Variants in ANKRD55 observed in about 807,000 individuals in gnomAD.
ANKRD55 encodes ankyrin repeat domain-containing protein 55.
In ANKRD55, 41 loss-of-function variants were observed where a neutral mutation model predicts 60.6. The ratio of observed to expected loss-of-function variants is 0.68; its 90% CI spans 0.53 to 0.88. ANKRD55 has a LOEUF of 0.88. Among genes scored for constraint, ANKRD55 ranks in the 40% least tolerant of loss-of-function variants. The pLI is 0.00. For synonymous variants in ANKRD55, 264 were observed against 290.3 expected, an observed-to-expected ratio of 0.91 and a Z score of 0.92; for missense variants, 732 against 767.6, an observed-to-expected ratio of 0.95 and a Z score of 0.55.
intron 7 of ANKRD55, chr5:56,127,312 C>A: frequency 1.0e-6 from 1 of 985,260 alleles, no homozygotes; most frequent in Non-Finnish European, 1.2e-6. Context: ...CAAGTCACTG[C>A]AGAGATTTTT....
intron 6 of ANKRD55, among the ~76,000 whole-genome samples, chr5:56,151,945 G>GTA (rs1349284207): frequency 1.7e-3 from 251 of 147,862 alleles, no homozygotes; most frequent in African/African-American, 6.1e-3. Flanking sequence ...ATATGTGTGT[G>GTA]TATATATATA....
At chr5:56,182,474 A>T in intron 3 of ANKRD55, among the ~76,000 whole-genome samples, 1 of 151,676 alleles carries the variant, frequency 6.6e-6, no homozygotes, top group Middle Eastern at 3.4e-3. Context: ...GAGACTTTCT[A>T]TTTTTTTCTT....
chr5:56,232,539 T>C (rs779857848), intron 2 of ANKRD55, among the ~76,000 whole-genome samples: 7 of 152,220 alleles, frequency 4.6e-5, no homozygotes, highest in African/African-American at 7.2e-5. Flanking sequence ...TCTGAAATAG[T>C]TGGTGTGCTT....
At position 56,150,263 on chromosome 5, in the gene ANKRD55, A is replaced by G. The variant is rs143071360; in HGVS notation, c.484-6334T>C. 2.6e-3 allele frequency among the ~76,000 whole-genome samples: 400 copies of G among 152,306 alleles called. 3 individuals carry two copies. The highest frequency in any genetic ancestry group is 9.1e-3 in the African/African-American group (379 of 41,554). On this transcript the variant is annotated intron_variant, in intron 6 of 11. Coordinates refer to ENST00000341048, the MANE Select transcript of ANKRD55 (RefSeq NM_024669.3). ...CTCTATAAATTATAGGTACAGTGCT[A>G]TTACATTAGTGATTGCAGATCACTA...
rs1757483355 is a variant in ANKRD55, at chr5:56,133,551, A to G, written c.613-6445T>C. ...GCTCACATGGGACCTTCACCGAGATAGACTACAGTCTGGGCCATAAAACAA... is the reference window on the plus strand; with the variant it reads ...GCTCACATGGGACCTTCACCGAGATGGACTACAGTCTGGGCCATAAAACAA... On this transcript the variant is annotated intron_variant, in intron 7 of 11. Coordinates refer to ENST00000341048, the MANE Select transcript of ANKRD55 (RefSeq NM_024669.3). Among the ~76,000 whole-genome samples, 2 of 112,342 alleles carry G rather than the reference A, an allele frequency of 1.8e-5. 1 individual carries two copies. Among genetic ancestry groups the G allele is most frequent in the African/African-American group, 5.8e-5 (2 of 34,432 alleles). The allele number at this position is 112,342 out of a possible 152,430, so 73.7% of individuals were successfully genotyped here.
chr5:56,109,101 C>A (rs146733704), intron 10 of ANKRD55, among the ~76,000 whole-genome samples: 553 of 152,014 alleles, frequency 3.6e-3, no homozygotes, highest in Non-Finnish European at 6.0e-3. Flanking sequence ...AACAAAAACC[C>A]CCATTGCTGT....
At chr5:56,222,458 G>A (rs187828631) in intron 2 of ANKRD55, among the ~76,000 whole-genome samples, 27 of 152,340 alleles carry the variant, frequency 1.8e-4, no homozygotes, top group African/African-American at 6.3e-4. Context: ...CCAAAGGAAT[G>A]CAGCTCCTCG....
chr5:56,202,225 T>A (rs1185754690), intron 2 of ANKRD55, among the ~76,000 whole-genome samples: 3 of 152,096 alleles, frequency 2.0e-5, no homozygotes, highest in African/African-American at 7.2e-5. Flanking sequence ...GATGGGATTA[T>A]CTGTGCAGCA....
At chr5:56,228,427 C>CTTT (rs112399991) in intron 2 of ANKRD55, among the ~76,000 whole-genome samples, 1 of 137,676 alleles carries the variant, frequency 7.3e-6, no homozygotes, top group Non-Finnish European at 1.6e-5. Context: ...CCCCAGCTGA[C>CTTT]TTTTTTTTTT....
rs1255557630 is a variant in ANKRD55 at position 56,135,294 on chromosome 5, GCTTTCTTTCTTTCTTTCTTTCTTT to G, written c.613-8212_613-8189del. Among the ~76,000 whole-genome samples, 9 of 84,386 alleles carry G rather than the reference GCTTTCTTTCTTTCTTTCTTTCTTT, an allele frequency of 1.1e-4. 2 individuals carry two copies. Among genetic ancestry groups the G allele is most frequent in the East Asian group, 3.8e-4 (1 of 2,620 alleles). 55.4% of individuals were successfully genotyped at this position (84,386 alleles called of 152,430 possible). On this transcript the variant is annotated intron_variant, in intron 7 of 11. Transcript: ENST00000341048. ...TCCCTCCCTCCCTGCCTGCCTGCTTGCTTTCTTTCTTTCTTTCTTTCTTTCTTTCTTTCTTTCTTTCTTTCTTTC... is the reference window on the plus strand; with the variant it reads ...TCCCTCCCTCCCTGCCTGCCTGCTTGCTTTCTTTCTTTCTTTCTTTCTTTC...
At chr5:56,105,029 G>A (rs912627662) in intron 10 of ANKRD55, among the ~76,000 whole-genome samples, 10 of 151,822 alleles carry the variant, frequency 6.6e-5, no homozygotes, top group Non-Finnish European at 1.2e-4. Flanking sequence ...AATCTCTCCT[G>A]CAATGTTGTG....
At chr5:56,173,578 CTCTCTATATA>C (rs1364359425) in intron 4 of ANKRD55, among the ~76,000 whole-genome samples, 19 of 71,662 alleles carry the variant, frequency 2.7e-4, no homozygotes, top group African/African-American at 8.3e-4. Flanking sequence ...CTCTCTCTCT[CTCTCTATATA>C]TATATATATA....
At chr5:56,152,706 G>A (rs1391355768) in intron 6 of ANKRD55, among the ~76,000 whole-genome samples, 5 of 152,184 alleles carry the variant, frequency 3.3e-5, no homozygotes, top group African/African-American at 1.2e-4. Context: ...TAACCGCAGT[G>A]TGGATAACTT....
At chr5:56,138,117 G>GTTTCTT (rs1194297430) in intron 7 of ANKRD55, among the ~76,000 whole-genome samples, 1 of 143,104 alleles carries the variant, frequency 7.0e-6, no homozygotes, top group Non-Finnish European at 1.5e-5. Context: ...CAGTTTGGTG[G>GTTTCTT]TTTCTTTTTC....
intron 10 of ANKRD55, among the ~76,000 whole-genome samples, chr5:56,103,503 G>T (rs957650778): frequency 6.6e-6 from 1 of 152,176 alleles, no homozygotes; most frequent in African/African-American, 2.4e-5. Flanking sequence ...ATAGGAGCTT[G>T]GTTGGGCTCT....
intron 2 of ANKRD55, among the ~76,000 whole-genome samples, chr5:56,198,698 C>G (rs1397554082): frequency 5.6e-4 from 85 of 152,256 alleles, no homozygotes; most frequent in Non-Finnish European, 1.2e-4. Context: ...TATAGTAGGC[C>G]TGACAGAAAC....
rs373088150 is a variant in ANKRD55, at chr5:56,183,364, A to G, written c.181+148T>C. 32 of 1,037,628 alleles carry G rather than the reference A, an allele frequency of 3.1e-5. No individual in the cohort carries two copies. The East Asian group carries it at 7.4e-4, about 24-fold the overall frequency. The allele number at this position is 1,037,628 out of a possible 1,614,324, so 64.3% of individuals were successfully genotyped here. On this transcript the variant is annotated intron_variant, in intron 3 of 11. Transcript: ENST00000341048. ...AAAACAAACTCAAACTGATGACTTC[A>G]TTATAAGAGGCGATGTGGTACCTGC... is the stretch of plus-strand genomic sequence containing the variant.
Position 56,111,650 on chromosome 5 carries a change from G to T in ANKRD55, c.1098C>A (p.Ser366Arg). ...TGTCCTCCTCTCTGTATCGGTCCCT[G>T]CTGGGATCCTTCTGATGGGCTCTCT... ...EEQRAHQKDP[S>R]RDRYREEDTS... Residue 366 changes from serine (S) to arginine (R), a missense_variant, in exon 10 of 12, where the codon AGC becomes AGA. This residue lies in a region of ANKRD55 where 597 missense variants were observed against 607.5 expected (regional missense o/e 0.98). Coordinates refer to ENST00000341048, the MANE Select transcript of ANKRD55 (RefSeq NM_024669.3). 6.5e-7 allele frequency: 1 copy of T among 1,538,180 alleles called. No individual in the cohort carries two copies. The highest frequency in any genetic ancestry group is 8.7e-7 in the Non-Finnish European group (1 of 1,148,674).
chr5:56,178,450 T>C (rs1347106678), intron 3 of ANKRD55, among the ~76,000 whole-genome samples: 2 of 151,376 alleles, frequency 1.3e-5, no homozygotes, highest in Non-Finnish European at 2.9e-5. Context: ...GGTTCCAAAA[T>C]TTATTTTAAG....
Sources: gnomAD v4.1 joint callset for allele counts (sites outside exome capture counted in the v4.1 genomes callset) on GRCh38, gnomAD v4.1.1 for gene constraint, gnomAD v4.1.1 regional missense constraint, MANE v1.5 for transcripts, NCBI Gene and HGNC (gene_info 2026-07-23, HGNC 2026-07-21) for gene names.